GRAMD4: variants seen among roughly 807,000 people sequenced by gnomAD.
The protein encoded by GRAMD4 is GRAM domain containing 4.
Under a neutral mutation model 83.9 loss-of-function variants are expected in GRAMD4, and 25 were observed. The ratio of observed to expected loss-of-function variants is 0.30; its 90% CI spans 0.22 to 0.42. GRAMD4 has a LOEUF of 0.42. Among genes scored for constraint, GRAMD4 ranks in the 10% least tolerant of loss-of-function variants. The pLI is 1.00. For synonymous variants in GRAMD4, 336 were observed against 320.9 expected (o/e 1.05, Z -0.50); for missense variants, 593 against 788.7 (o/e 0.75, Z 2.97).
intron 1 of GRAMD4, among the ~76,000 whole-genome samples, chr22:46,611,979 A>G (rs2147093872): frequency 8.1e-6 from 1 of 123,502 alleles, no homozygotes; most frequent in African/African-American, 3.0e-5. Context: ...CCTGGGAGAC[A>G]CAGCGAGACT....
chr22:46,597,582 T>C (rs1412553715), intron 1 of GRAMD4, among the ~76,000 whole-genome samples: 6 of 152,070 alleles, frequency 3.9e-5, no homozygotes, highest in Admixed American at 2.0e-4. Context: ...CTCCGCCTCC[T>C]GGGTTCACAC....
intron 3 of GRAMD4, among the ~76,000 whole-genome samples, chr22:46,653,739 G>C (rs1336974415): frequency 6.6e-6 from 1 of 152,232 alleles, no homozygotes; most frequent in Non-Finnish European, 1.5e-5. Context: ...GGAGAGGCAT[G>C]TGGGCTGCCT....
chr22:46,643,118 T>A (rs2082001862), intron 3 of GRAMD4, among the ~76,000 whole-genome samples: 1 of 145,238 alleles, frequency 6.9e-6, no homozygotes, highest in Non-Finnish European at 1.5e-5. Flanking sequence ...CATCCATCCA[T>A]CCATGCATCC....
At position 46,679,157 on chromosome 22, in the gene GRAMD4, C is replaced by G; in HGVS notation, c.*1906C>G. Reference sequence around the variant, plus strand: ...TGGCCACACCTCTCTCCCCAGGGCCCGGCAGTGCCCAAGGATGGGTCCGGG... The same window carrying G: ...TGGCCACACCTCTCTCCCCAGGGCCGGGCAGTGCCCAAGGATGGGTCCGGG... On this transcript the variant is annotated 3_prime_UTR_variant, in exon 19 of 19. Transcript: ENST00000406902. The G allele has an allele frequency of 1.0e-6, 1 of 985,536 alleles. No homozygotes were observed. The highest frequency in any genetic ancestry group is 1.2e-6 in the Non-Finnish European group (1 of 830,004). 61.0% of individuals were successfully genotyped at this position (985,536 alleles called of 1,614,324 possible).
chr22:46,635,334 C>T lies in GRAMD4; in HGVS notation c.163-2506C>T, dbSNP rs370944972. On this transcript the variant is annotated intron_variant, in intron 2 of 18. Transcript: ENST00000406902. The stretch of plus-strand genomic sequence containing the variant: ...CCTGGGGGACCGTGTCCTCCCTGCC[C>T]CCACCCCTGGCCACTCCTGTCCTGG... Among the ~76,000 whole-genome samples, 71 of 14,202 alleles carry T rather than the reference C, an allele frequency of 5.0e-3. 8 individuals are homozygous for T. Among genetic ancestry groups the T allele is most frequent in the East Asian group, 0.014 (1 of 74 alleles). The allele number at this position is 14,202 out of a possible 152,430, so 9.3% of individuals were successfully genotyped here.
At chr22:46,582,633 G>T (rs1207211494) in intron 1 of GRAMD4, among the ~76,000 whole-genome samples, 1 of 152,210 alleles carries the variant, frequency 6.6e-6, no homozygotes, top group East Asian at 1.9e-4. Flanking sequence ...TCTGAGCTGG[G>T]CTGTGGAGTT....
chr22:46,630,848 C>T (rs374296735), intron 2 of GRAMD4, among the ~76,000 whole-genome samples: 369 of 149,338 alleles, frequency 2.5e-3, no homozygotes, highest in African/African-American at 8.4e-3. Flanking sequence ...GGCAGCTGTG[C>T]GGTGTGCCCT....
At chr22:46,643,415 A>G (rs892139774) in intron 3 of GRAMD4, among the ~76,000 whole-genome samples, 1 of 152,072 alleles carries the variant, frequency 6.6e-6, no homozygotes, top group Non-Finnish European at 1.5e-5. Context: ...TGCAGACACA[A>G]TGCCCCTGCA....
intron 1 of GRAMD4, among the ~76,000 whole-genome samples, chr22:46,580,614 A>G (rs1187083193): frequency 6.6e-6 from 1 of 152,146 alleles, no homozygotes; most frequent in Non-Finnish European, 1.5e-5. Context: ...GTAATAGTTT[A>G]ACTTGAGAAC....
At chr22:46,660,610 G>T (rs764112953) in intron 4 of GRAMD4, among the ~76,000 whole-genome samples, 1 of 152,178 alleles carries the variant, frequency 6.6e-6, no homozygotes, top group Non-Finnish European at 1.5e-5. Flanking sequence ...AAGTCACCTT[G>T]GTTTAAGGCT....
intron 16 of GRAMD4, 70 bp from the exon 17 acceptor site, chr22:46,675,381 TGAGAGGCAGCCCCGGGA>T: frequency 1.1e-6 from 1 of 870,174 alleles, no homozygotes; most frequent in Non-Finnish European, 2.0e-6. Context: ...CACTGGGGGC[TGAGAGGCAGCCCCGGGA>T]GACCCCCACC....
At chr22:46,654,424 G>A (rs988196190) in intron 3 of GRAMD4, among the ~76,000 whole-genome samples, 11 of 152,204 alleles carry the variant, frequency 7.2e-5, no homozygotes, top group Admixed American at 3.3e-4. Flanking sequence ...GTGGTGTCCC[G>A]GCGCCTTGGC....
intron 9 of GRAMD4, 71 bp from the exon 10 acceptor site, chr22:46,666,754 C>A: frequency 7.7e-7 from 1 of 1,299,756 alleles, no homozygotes; most frequent in Non-Finnish European, 1.1e-6. Flanking sequence ...GCGTGCAGGG[C>A]CAGCGATTCG....
At chr22:46,674,516 C>T (rs546582248) in intron 15 of GRAMD4, 141 bp from the exon 16 acceptor site, 34 of 708,268 alleles carry the variant, frequency 4.8e-5, no homozygotes, top group African/African-American at 2.8e-4. Flanking sequence ...CTTGCCGGCG[C>T]GCCTTCCTCT....
At chr22:46,599,253 T>G (rs1466111650) in intron 1 of GRAMD4, among the ~76,000 whole-genome samples, 3 of 152,078 alleles carry the variant, frequency 2.0e-5, no homozygotes, top group Non-Finnish European at 4.4e-5. Flanking sequence ...AGTTACGCAA[T>G]TTGCAGATGG....
chr22:46,668,974 T>C, intron 13 of GRAMD4, 66 bp downstream of exon 13: 3 of 872,646 alleles, frequency 3.4e-6, no homozygotes, highest in Non-Finnish European at 5.8e-6. Flanking sequence ...ATGCCACCAG[T>C]GTCTGCCAGG....
At chr22:46,639,521 GGTA>G (rs1273248416) in intron 3 of GRAMD4, among the ~76,000 whole-genome samples, 1 of 151,022 alleles carries the variant, frequency 6.6e-6, no homozygotes, top group Non-Finnish European at 1.5e-5. Context: ...CGTGTGCAGT[GGTA>G]GTTAACCCTG....
rs1216663725 is a variant in GRAMD4 at position 46,678,254 on chromosome 22, C to G, written c.*1003C>G. 1 of 985,342 alleles carries G rather than the reference C, an allele frequency of 1.0e-6. No homozygotes were observed. Among genetic ancestry groups the G allele is most frequent in the East Asian group, 1.1e-4 (1 of 8,814 alleles). The allele number at this position is 985,342 out of a possible 1,614,324, so 61.0% of individuals were successfully genotyped here. ...CAGGCTGCAGCCGCCTTTGGGCCAT[C>G]CGAGAGGCTCTGGCAGCCCCTGTGC... is the stretch of plus-strand genomic sequence containing the variant. On this transcript the variant is annotated 3_prime_UTR_variant, in exon 19 of 19. Transcript: ENST00000406902.
In GRAMD4 at chr22:46,663,159, C is replaced by T. The variant is rs145387351; in HGVS notation, c.586C>T (p.Leu196=). The T allele has an allele frequency of 1.8e-4, 287 of 1,611,486 alleles. 2 individuals are homozygous for T. In the Middle Eastern group the frequency reaches 4.1e-3, roughly 23 times the overall value. Residue 196 remains leucine (L), a synonymous_variant, in exon 6 of 19, where the codon CTG becomes TTG. Coordinates refer to ENST00000406902, the MANE Select transcript of GRAMD4 (RefSeq NM_015124.5). ...EENTVETEEP[L]SARRLTENMR... ...GAACACTGTGGAGACAGAGGAACCCCTGAGCGCCCGCAGGTAGGGGTTCGC... is the reference window on the plus strand; with the variant it reads ...GAACACTGTGGAGACAGAGGAACCCTTGAGCGCCCGCAGGTAGGGGTTCGC...
Sources: gnomAD v4.1 joint callset for allele counts (sites outside exome capture counted in the v4.1 genomes callset) on GRCh38, gnomAD v4.1.1 for gene constraint, MANE v1.5 for transcripts, NCBI Gene and HGNC (gene_info 2026-07-23, HGNC 2026-07-21) for gene names.